The following AGPAT5 variants were observed in gnomAD, a reference collection of about 807,000 sequenced individuals.
The protein encoded by AGPAT5 is 1-acyl-sn-glycerol-3-phosphate acyltransferase epsilon.
AGPAT5 carries 46 observed loss-of-function variants against 45.6 expected under a neutral mutation model. The observed-to-expected ratio is 1.01, with a 90% confidence interval of 0.80 to 1.29. AGPAT5 has a LOEUF of 1.29. AGPAT5 is among the 50% of genes most tolerant of loss of function. The pLI, the probability that AGPAT5 is intolerant of heterozygous loss-of-function variation, is 0.00. For missense variants in AGPAT5, 673 were observed against 450.7 expected, an observed-to-expected ratio of 1.49 and a Z score of -4.47; for synonymous variants, 272 against 167.0, an observed-to-expected ratio of 1.63 and a Z score of -4.85.
chr8:6,757,053 T>G (rs1397931781), intron 7 of AGPAT5, 110 bp from the exon 8 acceptor site: 1 of 751,514 alleles, frequency 1.3e-6, no homozygotes, highest in Non-Finnish European at 2.2e-6. Context: ...CATCCTTATT[T>G]TCCAGGGACC....
chr8:6,736,038 G>A (rs186763690), intron 4 of AGPAT5, among the ~76,000 whole-genome samples: 1,521 of 151,964 alleles, frequency 0.01, 20 homozygotes, highest in African/African-American at 0.035. Flanking sequence ...ATTTTTAGTA[G>A]AGACAGGGTT....
intron 1 of AGPAT5, among the ~76,000 whole-genome samples, chr8:6,723,684 A>C (rs1261028743): frequency 6.6e-6 from 1 of 152,234 alleles, no homozygotes; most frequent in Non-Finnish European, 1.5e-5. Context: ...CTTTATGAAT[A>C]AAAACTCATT....
chr8:6,754,624 G>C (rs897845691), intron 6 of AGPAT5, among the ~76,000 whole-genome samples: 1 of 152,170 alleles, frequency 6.6e-6, no homozygotes, highest in African/African-American at 2.4e-5. Context: ...GTCTGGTGGG[G>C]AGGCAGCAGT....
intron 6 of AGPAT5, among the ~76,000 whole-genome samples, chr8:6,752,396 C>A (rs1484160662): frequency 6.6e-6 from 1 of 151,992 alleles, no homozygotes; most frequent in Non-Finnish European, 1.5e-5. Context: ...GTGTCTATAT[C>A]TCCTGTTCTT....
intron 5 of AGPAT5, chr8:6,745,123 A>G (rs1395859587): frequency 3.3e-5 from 5 of 152,872 alleles, no homozygotes; most frequent in African/African-American, 1.2e-4. Flanking sequence ...TTTGATTTCA[A>G]AATCTTAATG....
At chr8:6,743,487 G>GT (rs1342948263) in intron 5 of AGPAT5, among the ~76,000 whole-genome samples, 2 of 152,114 alleles carry the variant, frequency 1.3e-5, no homozygotes, top group Admixed American at 6.5e-5. Context: ...CCATCATTCA[G>GT]TTTTTTTGCC....
At chr8:6,712,754 T>A (rs1400167882) in intron 1 of AGPAT5, among the ~76,000 whole-genome samples, 1 of 152,234 alleles carries the variant, frequency 6.6e-6, no homozygotes, top group Non-Finnish European at 1.5e-5. Flanking sequence ...AATCTAGATA[T>A]ATCCTAAATG....
rs1490468051 is a variant in AGPAT5 at position 6,761,091 on chromosome 8, A to G, written c.*3703A>G. Among the ~76,000 whole-genome samples the G allele has an allele frequency of 2.6e-5, 4 of 152,220 alleles. No individual in the cohort carries two copies. The highest frequency in any genetic ancestry group is 6.5e-5 in the Admixed American group (1 of 15,284). ...CATATACCTTGTTATTATAATATGTATACTATAATAATAGCTGGTTATCCT... is the reference window on the plus strand; with the variant it reads ...CATATACCTTGTTATTATAATATGTGTACTATAATAATAGCTGGTTATCCT... On this transcript the variant is annotated 3_prime_UTR_variant, in exon 8 of 8. Transcript: ENST00000285518.
intron 6 of AGPAT5, among the ~76,000 whole-genome samples, chr8:6,750,900 C>G (rs112971868): frequency 2.0e-3 from 311 of 152,304 alleles, no homozygotes; most frequent in African/African-American, 7.1e-3. Flanking sequence ...AATGCATTCA[C>G]ATTTTAGATT....
chr8:6,747,288 T>C (rs1212183401), intron 5 of AGPAT5, among the ~76,000 whole-genome samples: 1 of 152,246 alleles, frequency 6.6e-6, no homozygotes, highest in Non-Finnish European at 1.5e-5. Context: ...GGCCATGTGC[T>C]GTGTGACTGT....
In AGPAT5 at chr8:6,760,274, G is replaced by C. The variant is rs1201008610; in HGVS notation, c.*2886G>C. On this transcript the variant is annotated 3_prime_UTR_variant, in exon 8 of 8. Coordinates refer to ENST00000285518, the MANE Select transcript of AGPAT5 (RefSeq NM_018361.5). ...CAGGCATGGTGGCGTACACTGAGTA[G>C]TTTGTCCCAGCTACTCGGGAGGGTG... Among the ~76,000 whole-genome samples the C allele has an allele frequency of 3.3e-5, 5 of 152,066 alleles. No homozygotes were observed. Among genetic ancestry groups the C allele is most frequent in the Non-Finnish European group, 5.9e-5 (4 of 68,020 alleles).
chr8:6,723,081 G>A (rs1471335170), intron 1 of AGPAT5, among the ~76,000 whole-genome samples: 1 of 152,102 alleles, frequency 6.6e-6, no homozygotes, highest in African/African-American at 2.4e-5. Context: ...AAAGTCACTG[G>A]TGCACTTTAA....
chr8:6,738,838 A>G (rs200184429), intron 4 of AGPAT5, among the ~76,000 whole-genome samples: 1 of 151,410 alleles, frequency 6.6e-6, no homozygotes, highest in Non-Finnish European at 1.5e-5. Context: ...TAATTTATTG[A>G]TTTTTTTTCT....
intron 5 of AGPAT5, among the ~76,000 whole-genome samples, chr8:6,743,108 G>C (rs1368534817): frequency 6.6e-6 from 1 of 152,202 alleles, no homozygotes; most frequent in Non-Finnish European, 1.5e-5. Flanking sequence ...CTGTGGGGCT[G>C]TTCTCCATTA....
At chr8:6,723,207 G>A (rs1563286840) in intron 1 of AGPAT5, among the ~76,000 whole-genome samples, 1 of 152,152 alleles carries the variant, frequency 6.6e-6, no homozygotes. Flanking sequence ...AACCAGCTTG[G>A]TGCTAGGCTC....
intron 1 of AGPAT5, among the ~76,000 whole-genome samples, chr8:6,710,354 A>G (rs1045186451): frequency 7.2e-5 from 11 of 152,126 alleles, no homozygotes; most frequent in African/African-American, 2.4e-4. Flanking sequence ...ATTTAATCTA[A>G]TCATTCCCCC....
intron 4 of AGPAT5, 83 bp from the exon 5 acceptor site, chr8:6,741,578 T>G (rs780697945): frequency 3.1e-5 from 27 of 876,856 alleles, no homozygotes; most frequent in Non-Finnish European, 4.5e-5. Flanking sequence ...TCTGTTAGCA[T>G]TAGTAGGTTT....
intron 4 of AGPAT5, among the ~76,000 whole-genome samples, chr8:6,737,030 T>G (rs779284205): frequency 1.3e-4 from 20 of 152,228 alleles, no homozygotes; most frequent in Admixed American, 6.5e-4. Context: ...ATCCAGCTTT[T>G]TAAGTTGTTT....
In AGPAT5 at chr8:6,759,378, A is replaced by G. The variant is rs558114156; in HGVS notation, c.*1990A>G. 5.9e-5 allele frequency: 9 copies of G among 152,346 alleles called. No individual in the cohort carries two copies. Among genetic ancestry groups the G allele is most frequent in the African/African-American group, 2.2e-4 (9 of 41,586 alleles). The allele number at this position is 152,346 out of a possible 1,614,324, so 9.4% of individuals were successfully genotyped here. ...TCTTCTCACAAAAGGTCTATAAAATACAGTCGTTGAAAAAAATTTTGTATC... is the reference window on the plus strand; with the variant it reads ...TCTTCTCACAAAAGGTCTATAAAATGCAGTCGTTGAAAAAAATTTTGTATC... On this transcript the variant is annotated 3_prime_UTR_variant, in exon 8 of 8. Transcript: ENST00000285518.
Sources: gnomAD v4.1 joint callset for allele counts (sites outside exome capture counted in the v4.1 genomes callset) on GRCh38, gnomAD v4.1.1 for gene constraint, MANE v1.5 for transcripts, NCBI Gene and HGNC (gene_info 2026-07-23, HGNC 2026-07-21) for gene names.